KCNAB2: variants seen among roughly 807,000 people sequenced by gnomAD.
KCNAB2 encodes voltage-gated potassium channel subunit beta-2.
KCNAB2 carries 29 observed loss-of-function variants against 63.6 expected under a neutral mutation model. That is an observed-to-expected ratio of 0.46 (90% CI 0.34 to 0.62). KCNAB2 has a LOEUF of 0.62. Among genes scored for constraint, KCNAB2 ranks in the 20% least tolerant of loss-of-function variants. The pLI is 0.01. For synonymous variants in KCNAB2, 222 were observed against 224.2 expected (o/e 0.99, Z 0.09); for missense variants, 359 against 563.9 (o/e 0.64, Z 3.68).
intron 1 of KCNAB2, among the ~76,000 whole-genome samples, chr1:6,039,259 C>T (rs1423613383): frequency 1.3e-5 from 2 of 152,122 alleles, no homozygotes; most frequent in South Asian, 2.1e-4. Flanking sequence ...AAGGGCCAGG[C>T]GGCAGAGCAT....
intron 10 of KCNAB2, 107 bp from the exon 11 acceptor site, chr1:6,094,293 G>GT: frequency 1.3e-6 from 1 of 791,570 alleles, no homozygotes; most frequent in Non-Finnish European, 2.1e-6. Context: ...CATCTTCGCA[G>GT]CCCCTGTCCC....
At position 6,051,774 on chromosome 1, in the gene KCNAB2, G is replaced by T. The variant is rs934521476; in HGVS notation, c.218+20G>T. On this transcript the variant is annotated intron_variant, in intron 2 of 15. Transcript: ENST00000378083. ...GTATCGGTAAGGGCCGGGCAGGGGGGCGGTGGGGTGGGAAGTCTGATTTCA... is the reference window on the plus strand; with the variant it reads ...GTATCGGTAAGGGCCGGGCAGGGGGTCGGTGGGGTGGGAAGTCTGATTTCA... 2.3e-5 allele frequency: 35 copies of T among 1,518,766 alleles called. No homozygotes were observed. In the African/African-American group the frequency reaches 4.1e-4, roughly 18 times the overall value. 94.1% of individuals were successfully genotyped at this position (1,518,766 alleles called of 1,614,324 possible).
At chr1:6,082,354 G>A (rs531096755) in intron 5 of KCNAB2, 80 bp downstream of exon 5, 35 of 1,086,476 alleles carry the variant, frequency 3.2e-5, no homozygotes, top group South Asian at 2.9e-4. Flanking sequence ...TGCCGCTCGC[G>A]TTCCCAAGAG....
At chr1:6,005,069 G>GGGTTGT (rs1570827152) in intron 1 of KCNAB2, among the ~76,000 whole-genome samples, 1 of 26,336 alleles carries the variant, frequency 3.8e-5, no homozygotes. Flanking sequence ...GTAGAGTGGG[G>GGGTTGT]GACATGGAAG....
rs1014755438 is a variant in KCNAB2 at position 6,015,180 on chromosome 1, C to T, written c.-53+22392C>T. Among the ~76,000 whole-genome samples, 74 of 151,916 alleles carry T rather than the reference C, an allele frequency of 4.9e-4. 1 individual carries two copies. The highest frequency in any genetic ancestry group is 1.5e-3 in the African/African-American group (62 of 41,378). On this transcript the variant is annotated intron_variant, in intron 1 of 16. Coordinates refer to the KCNAB2 transcript ENST00000341524. ...CCAAGTAGCCAGGACTACAGGTGCC[C>T]GCCACCATGCCCAGCTACTTTTTGT...
chr1:6,031,804 C>T (rs1273056136), upstream of KCNAB2, among the ~76,000 whole-genome samples: 1 of 151,962 alleles, frequency 6.6e-6, no homozygotes, highest in Non-Finnish European at 1.5e-5. This position sits in a 1 kb window ranked among gnomAD's most constrained non-coding sequence, Gnocchi z 4.1. Context: ...TGGAAGGATC[C>T]CTTGAGCCCC....
At chr1:6,085,123 C>T (rs1664583953) in intron 5 of KCNAB2, 81 bp from the exon 6 acceptor site, 1 of 1,437,108 alleles carries the variant, frequency 7.0e-7, no homozygotes, top group African/African-American at 1.4e-5. Flanking sequence ...ACAGAGGGAA[C>T]CAAGTGGCCA....
At position 6,035,753 on chromosome 1, in the gene KCNAB2, G is replaced by GAAATAAAC; in HGVS notation, c.-53+960_-53+961insAATAAACA. 6.6e-6 allele frequency among the ~76,000 whole-genome samples: 1 copy of GAAATAAAC among 152,026 alleles called. No individual in the cohort carries two copies. Among genetic ancestry groups the GAAATAAAC allele is most frequent in the Non-Finnish European group, 1.5e-5 (1 of 67,992 alleles). ...AAATAAACAGCTCTGGGGTTCAGGG[G>GAAATAAAC]AGTGGTAGAGGGGGTGGGGTCTGCA... On this transcript the variant is annotated intron_variant, in intron 1 of 15. Transcript: ENST00000164247. The surrounding 1 kb of genome is among the most constrained non-coding windows in gnomAD (Gnocchi z 5.0).
At chr1:5,999,207 G>A (rs1358154793) in intron 1 of KCNAB2, among the ~76,000 whole-genome samples, 2 of 152,358 alleles carry the variant, frequency 1.3e-5, no homozygotes, top group East Asian at 1.9e-4. Flanking sequence ...TTTACGTTCT[G>A]TGTAAGAATT....
At chr1:6,008,810 C>T (rs1166071587) in intron 1 of KCNAB2, among the ~76,000 whole-genome samples, 6 of 152,114 alleles carry the variant, frequency 3.9e-5, no homozygotes, top group East Asian at 3.9e-4. Flanking sequence ...TGACCTCCTG[C>T]GCCACATGGG....
At chr1:6,053,134 T>G (rs1401408732) in intron 2 of KCNAB2, among the ~76,000 whole-genome samples, 14 of 152,158 alleles carry the variant, frequency 9.2e-5, no homozygotes. Context: ...CTTTGTATCC[T>G]AAATCCAGCT....
chr1:6,092,914 G>A (rs1033968723), intron 10 of KCNAB2, among the ~76,000 whole-genome samples: 5 of 152,208 alleles, frequency 3.3e-5, no homozygotes, highest in African/African-American at 7.2e-5. Context: ...TGAGTCTGCC[G>A]AGACCACCAC....
intron 1 of KCNAB2, among the ~76,000 whole-genome samples, chr1:6,009,578 T>A (rs1658031135): frequency 6.6e-6 from 1 of 152,202 alleles, no homozygotes; most frequent in African/African-American, 2.4e-5. Context: ...TGGGAGGAAC[T>A]CTGACACACT....
chr1:6,037,657 C>T (rs760747731), intron 1 of KCNAB2, among the ~76,000 whole-genome samples: 11 of 152,176 alleles, frequency 7.2e-5, no homozygotes, highest in Admixed American at 6.5e-5. Context: ...AGTTTTTTAA[C>T]GACTTTAGTG....
intron 1 of KCNAB2, among the ~76,000 whole-genome samples, chr1:5,998,125 A>G (rs1657038744): frequency 1.3e-5 from 2 of 152,292 alleles, no homozygotes; most frequent in Non-Finnish European, 2.9e-5. Context: ...TGCATGGGCA[A>G]GGTCACAGAG....
At chr1:6,084,144 T>C (rs1664446305) in intron 5 of KCNAB2, among the ~76,000 whole-genome samples, 1 of 152,252 alleles carries the variant, frequency 6.6e-6, no homozygotes, top group Non-Finnish European at 1.5e-5. Flanking sequence ...ATAATTGGAA[T>C]GTAGCACAGA....
upstream of KCNAB2, among the ~76,000 whole-genome samples, chr1:6,030,539 ATATG>A (rs906612751): frequency 1.7e-4 from 25 of 147,800 alleles, no homozygotes; most frequent in Admixed American, 5.5e-4. Flanking sequence ...GTGTGTGTAC[ATATG>A]TGTGTATGTG....
At chr1:6,068,432 C>T (rs777914454) in intron 2 of KCNAB2, among the ~76,000 whole-genome samples, 97 of 152,318 alleles carry the variant, frequency 6.4e-4, no homozygotes, top group Non-Finnish European at 1.1e-3. Flanking sequence ...GTCTGCAGAC[C>T]AGAGTTCAAA....
rs1053624308 is a variant in KCNAB2, at chr1:6,086,928, C to T, written c.426-539C>T. Among the ~76,000 whole-genome samples, 12 of 152,086 alleles carry T rather than the reference C, an allele frequency of 7.9e-5. No homozygotes were observed. Among genetic ancestry groups the T allele is most frequent in the South Asian group, 6.2e-4 (3 of 4,806 alleles). On this transcript the variant is annotated intron_variant, in intron 6 of 15. Transcript: ENST00000378083. This position sits in a 1 kb window ranked among gnomAD's most constrained non-coding sequence, Gnocchi z 4.2. ...GCCCCTCAAGTTACCCCGACCAGGC[C>T]GTCCCACACAGATTTTCTGCAACAC... is the stretch of plus-strand genomic sequence containing the variant.
Sources: allele counts gnomAD v4.1 joint callset (sites outside exome capture counted in the v4.1 genomes callset), GRCh38; gene constraint gnomAD v4.1.1; non-coding constraint Gnocchi (gnomAD v3.1); transcripts MANE v1.5; gene names NCBI Gene and HGNC (gene_info 2026-07-23, HGNC 2026-07-21).